ELN: variants seen among roughly 807,000 people sequenced by gnomAD.
ELN encodes the protein tropoelastin.
In ELN, 65 loss-of-function variants were observed where a neutral mutation model predicts 105.8. The observed-to-expected ratio is 0.61, with a 90% CI of 0.50 to 0.75. ELN has a LOEUF of 0.75. Among genes scored for constraint, ELN ranks in the 30% least tolerant of loss-of-function variants. The pLI is 0.00. For missense variants in ELN, 882 were observed against 969.4 expected (o/e 0.91, Z 1.20); for synonymous variants, 368 against 389.2 (o/e 0.95, Z 0.64).
At chr7:74,056,566 A>C in intron 20 of ELN, 106 bp from the exon 21 acceptor site, 1 of 1,601,512 alleles carries the variant, frequency 6.2e-7, no homozygotes, top group African/African-American at 1.3e-5. Context: ...GGGGAGAAGA[A>C]GGGAGGTCGT....
intron 19 of ELN, 103 bp downstream of exon 19, chr7:74,054,872 C>A: frequency 3.0e-6 from 4 of 1,334,522 alleles, no homozygotes; most frequent in South Asian, 2.4e-5. Flanking sequence ...GTGACTTGCC[C>A]AAGGTCACCG....
chr7:74,036,736 T>C (rs1790042582), intron 3 of ELN, 152 bp downstream of exon 3: 8 of 1,101,646 alleles, frequency 7.3e-6, no homozygotes, highest in South Asian at 2.7e-5. Context: ...GGAGGCTTCT[T>C]TGAGAACCAG....
chr7:74,038,477 C>T (rs1285426471), intron 4 of ELN, among the ~76,000 whole-genome samples: 7 of 152,234 alleles, frequency 4.6e-5, no homozygotes, highest in African/African-American at 1.4e-4. Flanking sequence ...AAGGTGTGGC[C>T]GGATCTATCC....
At chr7:74,046,247 T>C (rs536394755) in intron 11 of ELN, 30 bp downstream of exon 11, 1 of 1,614,000 alleles carries the variant, frequency 6.2e-7, no homozygotes, top group South Asian at 1.1e-5. Flanking sequence ...AGAAGCAGGG[T>C]GGCCAGCCAG....
chr7:74,043,725 G>T, intron 8 of ELN, 154 bp from the exon 9 acceptor site: 1 of 886,188 alleles, frequency 1.1e-6, no homozygotes, highest in Non-Finnish European at 1.8e-6. Flanking sequence ...CGTGGGAGGA[G>T]GGTTGTGGCC....
intron 11 of ELN, 131 bp from the exon 12 acceptor site, chr7:74,046,565 G>A: frequency 1.1e-6 from 1 of 934,934 alleles, no homozygotes; most frequent in Non-Finnish European, 1.7e-6. Context: ...GGAGATTCAG[G>A]GAGTCCCTCG....
At chr7:74,067,286 G>C (rs1798163439) in intron 32 of ELN, among the ~76,000 whole-genome samples, 1 of 146,900 alleles carries the variant, frequency 6.8e-6, no homozygotes, top group Admixed American at 6.8e-5. Flanking sequence ...TTTTTTTTTT[G>C]AGATGGAGTC....
chr7:74,067,818 C>G (rs1418546566), intron 32 of ELN, among the ~76,000 whole-genome samples: 2 of 150,388 alleles, frequency 1.3e-5, no homozygotes, highest in African/African-American at 2.4e-5. Context: ...ATCCCAGCTA[C>G]TCTGGAGGCT....
Position 74,068,786 on chromosome 7 carries a change from A to G in ELN, c.*86A>G. On this transcript the variant is annotated 3_prime_UTR_variant, in exon 33 of 33. Transcript: ENST00000252034. The stretch of plus-strand genomic sequence containing the variant: ...TGTAAACCCTTTGTAACCCCATCCC[A>G]TGCCCCTCCGACTCCCCACCCCAGG... 5.9e-6 allele frequency: 9 copies of G among 1,536,366 alleles called. No homozygotes were observed. The highest frequency in any genetic ancestry group is 8.1e-6 in the Non-Finnish European group (9 of 1,110,322).
chr7:74,059,923 C>T lies in ELN; in HGVS notation c.1452C>T (p.Gly484=), dbSNP rs1301967913. 1.3e-6 allele frequency: 2 copies of T among 1,564,008 alleles called. No homozygotes were observed. The highest frequency in any genetic ancestry group is 1.1e-5 in the South Asian group (1 of 90,052). Residue 484 remains glycine (G), a synonymous_variant, in exon 23 of 33, where the codon GGC becomes GGT. Transcript: ENST00000252034. ...VPGVGVAPGV[G]VAPGVGVAPG... ...GTGTCGGCGTGGCTCCTGGAGTTGG[C>T]GTGGCTCCTGGTGTCGGTGTGGCTC...
intron 22 of ELN, among the ~76,000 whole-genome samples, chr7:74,059,130 C>G (rs1368113532): frequency 6.6e-6 from 1 of 152,030 alleles, no homozygotes; most frequent in Non-Finnish European, 1.5e-5. Flanking sequence ...ATTGGCCTCT[C>G]AAAGTGCTGG....
In ELN at chr7:74,037,826, C is replaced by T. The variant is rs1359848635; in HGVS notation, c.196+87C>T. 4 of 1,557,632 alleles carry T rather than the reference C, an allele frequency of 2.6e-6. No homozygotes were observed. In the East Asian group the frequency reaches 6.9e-5, roughly 27 times the overall value. ...CCCAGCTGGGAATGGGACAAGGAAA[C>T]TAGGAACAGGACAAGGAAGCCAACG... On this transcript the variant is annotated intron_variant, in intron 4 of 32. Coordinates refer to ENST00000252034, the MANE Select transcript of ELN (RefSeq NM_000501.4).
chr7:74,031,640 G>A (rs1788668881), intron 1 of ELN, among the ~76,000 whole-genome samples: 2 of 152,246 alleles, frequency 1.3e-5, no homozygotes, highest in African/African-American at 4.8e-5. Flanking sequence ...AATGGGGCCA[G>A]GTGCAGTGAC....
chr7:74,054,008 G>A (rs1454726226), intron 18 of ELN, among the ~76,000 whole-genome samples: 1 of 152,136 alleles, frequency 6.6e-6, no homozygotes, highest in Non-Finnish European at 1.5e-5. Context: ...ATGGTTGGAG[G>A]GGCAGATGAA....
intron 1 of ELN, among the ~76,000 whole-genome samples, chr7:74,029,274 T>C (rs1554660866): frequency 6.6e-6 from 1 of 152,104 alleles, no homozygotes. Flanking sequence ...GTCTGTCTCC[T>C]GGCAGAGGCA....
chr7:74,031,860 A>AGAAGGAAC (rs1788751329), intron 1 of ELN, among the ~76,000 whole-genome samples: 2 of 107,126 alleles, frequency 1.9e-5, no homozygotes, highest in Non-Finnish European at 3.8e-5. Context: ...AAGGAAGGAA[A>AGAAGGAAC]GAAGGAAGGA....
At chr7:74,031,746 C>T (rs1377668093) in intron 1 of ELN, among the ~76,000 whole-genome samples, 6 of 149,498 alleles carry the variant, frequency 4.0e-5, no homozygotes, top group Non-Finnish European at 8.9e-5. Context: ...GGAAGGCCCC[C>T]GTCTCTATTT....
rs1554685891 is a variant in ELN at position 74,063,035 on chromosome 7, C to T, written c.1787-118C>T. 4.7e-6 allele frequency: 6 copies of T among 1,282,738 alleles called. No individual in the cohort carries two copies. Among genetic ancestry groups the T allele is most frequent in the African/African-American group, 1.5e-5 (1 of 67,064 alleles). 79.5% of individuals were successfully genotyped at this position (1,282,738 alleles called of 1,614,324 possible). On this transcript the variant is annotated intron_variant, in intron 26 of 32. Coordinates refer to ENST00000252034, the MANE Select transcript of ELN (RefSeq NM_000501.4). This position sits in a 1 kb window ranked among gnomAD's most constrained non-coding sequence, Gnocchi z 4.1. ...CAAAATATGGACTGGACTTCCTGTC[C>T]ACTGCTCCTCCACAGTGTCACATGG...
intron 17 of ELN, 138 bp from the exon 18 acceptor site, chr7:74,053,025 G>C: frequency 8.0e-7 from 1 of 1,243,380 alleles, no homozygotes; most frequent in Non-Finnish European, 1.1e-6. Flanking sequence ...CTGATGAGTA[G>C]GATCCATGCA....
Sources: gnomAD v4.1 joint callset for allele counts (sites outside exome capture counted in the v4.1 genomes callset) on GRCh38, gnomAD v4.1.1 for gene constraint, Gnocchi (gnomAD v3.1) non-coding constraint, MANE v1.5 for transcripts, NCBI Gene and HGNC (gene_info 2026-07-23, HGNC 2026-07-21) for gene names.